The following SGCZ variants were observed in gnomAD, a reference collection of about 807,000 sequenced individuals.
SGCZ encodes sarcoglycan zeta.
Under a neutral mutation model 41.3 loss-of-function variants are expected in SGCZ, and 40 were observed. The observed-to-expected ratio is 0.97, with a 90% CI of 0.75 to 1.26. The LOEUF is 1.26. Ranked by LOEUF, SGCZ falls within the 50% of genes most tolerant of loss-of-function variation. The probability of loss-of-function intolerance (pLI) is 0.00; values close to 1 mark genes in which losing one functional copy is unlikely to be tolerated. For missense variants in SGCZ, 552 were observed against 369.8 expected (o/e 1.49, Z -4.04); for synonymous variants, 206 against 137.5 (o/e 1.50, Z -3.49).
At chr8:14,876,888 G>C (rs1270422770) in intron 1 of SGCZ, among the ~76,000 whole-genome samples, 1 of 152,148 alleles carries the variant, frequency 6.6e-6, no homozygotes, top group East Asian at 1.9e-4. Context: ...CCCTGCAATG[G>C]AGTGTGGACT....
intron 1 of SGCZ, among the ~76,000 whole-genome samples, chr8:14,706,330 T>C (rs1047332155): frequency 2.8e-5 from 4 of 141,022 alleles, no homozygotes; most frequent in Non-Finnish European, 4.4e-5. Context: ...TTTTTGACAA[T>C]TGTGTTTTAT....
intron 1 of SGCZ, among the ~76,000 whole-genome samples, chr8:14,689,346 G>A (rs1352899714): frequency 6.6e-6 from 1 of 151,854 alleles, no homozygotes; most frequent in African/African-American, 2.4e-5. Flanking sequence ...ATGATTATGT[G>A]GTAAGTAAAA....
At chr8:14,752,000 T>G (rs1455241550) in intron 1 of SGCZ, among the ~76,000 whole-genome samples, 1 of 151,478 alleles carries the variant, frequency 6.6e-6, no homozygotes, top group African/African-American at 2.4e-5. Flanking sequence ...AATGGAACTA[T>G]TGTCAACATT....
At chr8:14,931,918 C>G (rs1364116823) in intron 1 of SGCZ, among the ~76,000 whole-genome samples, 2 of 151,868 alleles carry the variant, frequency 1.3e-5, no homozygotes, top group Non-Finnish European at 2.9e-5. Context: ...GACCAATAAC[C>G]AATAAGATGT....
intron 1 of SGCZ, among the ~76,000 whole-genome samples, chr8:15,140,980 C>T (rs1585605711): frequency 6.6e-6 from 1 of 152,198 alleles, no homozygotes; most frequent in Non-Finnish European, 1.5e-5. Context: ...TATAGCTTTA[C>T]TTAAGCAATG....
intron 1 of SGCZ, among the ~76,000 whole-genome samples, chr8:14,767,031 G>T (rs1403828690): frequency 6.6e-6 from 1 of 151,756 alleles, no homozygotes; most frequent in African/African-American, 2.4e-5. Context: ...ACAGTTAGAT[G>T]TCTACACAAT....
At chr8:14,265,276 G>C (rs1799831363) in intron 3 of SGCZ, among the ~76,000 whole-genome samples, 1 of 152,074 alleles carries the variant, frequency 6.6e-6, no homozygotes, top group African/African-American at 2.4e-5. Context: ...AAATACATCA[G>C]TTTTATTATT....
chr8:14,631,510 G>T (rs192819333), intron 1 of SGCZ, among the ~76,000 whole-genome samples: 1 of 152,040 alleles, frequency 6.6e-6, no homozygotes, highest in East Asian at 1.9e-4. Flanking sequence ...AGAGATAATT[G>T]GTTTGAAACA....
intron 1 of SGCZ, among the ~76,000 whole-genome samples, chr8:15,165,231 G>A (rs1032665374): frequency 3.3e-5 from 5 of 152,126 alleles, no homozygotes; most frequent in South Asian, 2.1e-4. Context: ...AGGTTGCAGT[G>A]AGCCGAGATC....
rs59543494 is a variant in SGCZ at position 14,978,470 on chromosome 8, C to CAAAAAAAAAA, written c.39+259105_39+259114dup. On this transcript the variant is annotated intron_variant, in intron 1 of 7. Coordinates refer to ENST00000382080, the MANE Select transcript of SGCZ (RefSeq NM_139167.4). ...TGGAGGACCGAGTGAGACACCGTCA[C>CAAAAAAAAAA]AAAAAAAAAAAAAAAAAAAAAAAAA... Among the ~76,000 whole-genome samples, 42 of 62,826 alleles carry CAAAAAAAAAA rather than the reference C, an allele frequency of 6.7e-4. 6 individuals are homozygous for CAAAAAAAAAA. Among genetic ancestry groups the CAAAAAAAAAA allele is most frequent in the African/African-American group, 2.7e-3 (32 of 12,052 alleles). 41.2% of individuals were successfully genotyped at this position (62,826 alleles called of 152,430 possible).
At chr8:15,202,733 T>C (rs1200791022) in intron 1 of SGCZ, among the ~76,000 whole-genome samples, 3 of 152,216 alleles carry the variant, frequency 2.0e-5, no homozygotes, top group Admixed American at 6.5e-5. Flanking sequence ...TCTGAATTGA[T>C]AGTAGGAACT....
At chr8:14,843,764 T>C (rs930512852) in intron 1 of SGCZ, among the ~76,000 whole-genome samples, 1 of 152,038 alleles carries the variant, frequency 6.6e-6, no homozygotes, top group African/African-American at 2.4e-5. Flanking sequence ...TTCATAAATA[T>C]TTATAGATAG....
intron 2 of SGCZ, among the ~76,000 whole-genome samples, chr8:14,545,743 A>G (rs1803606810): frequency 6.6e-6 from 1 of 152,082 alleles, no homozygotes; most frequent in Admixed American, 6.6e-5. Flanking sequence ...ACTCTAGTCT[A>G]TTGTACAATA....
intron 4 of SGCZ, among the ~76,000 whole-genome samples, chr8:14,214,615 A>G (rs952705049): frequency 3.3e-5 from 5 of 152,166 alleles, no homozygotes; most frequent in Non-Finnish European, 5.9e-5. Context: ...TGGTTCAGCT[A>G]TATTGTTTAT....
chr8:14,625,205 G>A (rs183873152), intron 1 of SGCZ, among the ~76,000 whole-genome samples: 1 of 152,136 alleles, frequency 6.6e-6, no homozygotes, highest in African/African-American at 2.4e-5. Flanking sequence ...TATTTTAGTA[G>A]CATTACAACA....
At chr8:14,301,267 TA>T (rs1801177168) in intron 3 of SGCZ, among the ~76,000 whole-genome samples, 1 of 152,022 alleles carries the variant, frequency 6.6e-6, no homozygotes, top group South Asian at 2.1e-4. Context: ...TATCTCTCTT[TA>T]TAGAATCTCC....
intron 1 of SGCZ, among the ~76,000 whole-genome samples, chr8:15,160,926 G>A (rs1008965485): frequency 6.6e-6 from 1 of 152,176 alleles, no homozygotes; most frequent in Non-Finnish European, 1.5e-5. Context: ...GTAATCTGGT[G>A]TGCAGCCACT....
chr8:14,835,391 T>C (rs1287906419), intron 1 of SGCZ, among the ~76,000 whole-genome samples: 2 of 152,190 alleles, frequency 1.3e-5, no homozygotes, highest in Admixed American at 1.3e-4. Flanking sequence ...CTTACTTACT[T>C]TCCAGTTATA....
At chr8:14,354,467 T>A (rs542127747) in intron 2 of SGCZ, among the ~76,000 whole-genome samples, 2 of 151,850 alleles carry the variant, frequency 1.3e-5, no homozygotes, top group Non-Finnish European at 2.9e-5. Context: ...AAATTAGTAC[T>A]CTTGTAGATT....
Sources: gnomAD v4.1 joint callset for allele counts (sites outside exome capture counted in the v4.1 genomes callset) on GRCh38, gnomAD v4.1.1 for gene constraint, MANE v1.5 for transcripts, NCBI Gene and HGNC (gene_info 2026-07-23, HGNC 2026-07-21) for gene names.